Variants in CCSER1 observed in about 807,000 individuals in gnomAD.
CCSER1 encodes coiled-coil serine rich protein 1, also known as serine-rich coiled-coil domain-containing protein 1.
Under a neutral mutation model 82.0 loss-of-function variants are expected in CCSER1, and 41 were observed. The observed-to-expected ratio is 0.50, with a 90% confidence interval of 0.39 to 0.65. The LOEUF is 0.65. CCSER1 is among the 30% of genes least tolerant of loss of function. The pLI, the probability that CCSER1 is intolerant of heterozygous loss-of-function variation, is 0.00. For synonymous variants in CCSER1, 414 were observed against 383.9 expected (o/e 1.08, Z -0.92); for missense variants, 1,119 against 1,064.2 (o/e 1.05, Z -0.72).
chr4:91,270,533 A>T (rs779247619), intron 10 of CCSER1, among the ~76,000 whole-genome samples: 13 of 151,862 alleles, frequency 8.6e-5, no homozygotes, highest in East Asian at 1.9e-4. Flanking sequence ...TCATGTGCTT[A>T]TTACAGGTCT....
chr4:91,296,008 C>A (rs1039357079), intron 10 of CCSER1, among the ~76,000 whole-genome samples: 1 of 151,732 alleles, frequency 6.6e-6, no homozygotes, highest in Admixed American at 6.6e-5. Context: ...AAAGTATTTC[C>A]ATGATAATGT....
intron 10 of CCSER1, among the ~76,000 whole-genome samples, chr4:91,100,189 A>AT (rs776501810): frequency 4.7e-4 from 62 of 131,166 alleles, no homozygotes; most frequent in Non-Finnish European, 4.7e-4. Context: ...TTTGGGCAAG[A>AT]TAAAAAAAAA....
intron 10 of CCSER1, among the ~76,000 whole-genome samples, chr4:91,321,560 TTTAAC>T (rs1746195881): frequency 1.3e-5 from 2 of 152,106 alleles, no homozygotes; most frequent in Non-Finnish European, 1.5e-5. Context: ...AGTCAGTCCA[TTTAAC>T]TTATTTTTTT....
At position 90,630,979 on chromosome 4, in the gene CCSER1, C is replaced by T. The variant is rs186248301; in HGVS notation, c.1932+2747C>T. Among the ~76,000 whole-genome samples the T allele has an allele frequency of 7.9e-4, 120 of 151,496 alleles. No individual in the cohort carries two copies. In the East Asian group the frequency reaches 0.016, roughly 20 times the overall value. On this transcript the variant is annotated intron_variant, in intron 6 of 10. Transcript: ENST00000509176. ...CGCGATCTCAGCTCACTGCAAGCTC[C>T]GCCTCCCGGGTTCACGCCATTCTCC...
In CCSER1 at chr4:91,387,622, G is replaced by T. The variant is rs569580139; in HGVS notation, c.2218-210950G>T. 9.9e-5 allele frequency among the ~76,000 whole-genome samples: 15 copies of T among 152,072 alleles called. No individual in the cohort carries two copies. The South Asian group carries it at 3.1e-3, about 32-fold the overall frequency. On this transcript the variant is annotated intron_variant, in intron 10 of 10. Transcript: ENST00000509176. ...TTGAGGCTTTGGTCTCCATTTTCTT[G>T]TCTACAAGATGGGGCTACTAGGGCC...
chr4:91,113,107 C>G (rs906147520), intron 10 of CCSER1, among the ~76,000 whole-genome samples: 22 of 152,342 alleles, frequency 1.4e-4, no homozygotes, highest in African/African-American at 5.1e-4. Flanking sequence ...AATTGCCTTA[C>G]ATGTGTCTGT....
chr4:91,412,540 A>G (rs1023383367), intron 10 of CCSER1, among the ~76,000 whole-genome samples: 2 of 152,050 alleles, frequency 1.3e-5, no homozygotes, highest in African/African-American at 4.8e-5. Context: ...TGAGGTCCTT[A>G]TGGAAGTCCA....
At chr4:90,381,549 C>T (rs1244491024) in intron 3 of CCSER1, among the ~76,000 whole-genome samples, 1 of 152,006 alleles carries the variant, frequency 6.6e-6, no homozygotes, top group East Asian at 1.9e-4. Flanking sequence ...TTAATATTTT[C>T]ATTCCATAGA....
intron 3 of CCSER1, among the ~76,000 whole-genome samples, chr4:90,323,225 A>T (rs777907427): frequency 6.6e-6 from 1 of 152,120 alleles, no homozygotes; most frequent in Non-Finnish European, 1.5e-5. Flanking sequence ...GAGAGGGGTG[A>T]TGCAAGGACT....
intron 10 of CCSER1, among the ~76,000 whole-genome samples, chr4:91,300,021 G>A (rs894299763): frequency 6.6e-6 from 1 of 151,856 alleles, no homozygotes; most frequent in Non-Finnish European, 1.5e-5. Flanking sequence ...CCTTAGTGTG[G>A]CTTCCACCTC....
intron 5 of CCSER1, among the ~76,000 whole-genome samples, chr4:90,511,772 A>G (rs772033323): frequency 1.3e-5 from 2 of 152,200 alleles, no homozygotes; most frequent in African/African-American, 2.4e-5. Context: ...AGGCAGAAAG[A>G]AAATAATTGA....
chr4:90,178,362 C>G (rs931131533), intron 1 of CCSER1, among the ~76,000 whole-genome samples: 6 of 151,846 alleles, frequency 4.0e-5, no homozygotes, highest in Non-Finnish European at 8.8e-5. Flanking sequence ...CAATTTGTCT[C>G]TGATATAATT....
Position 91,052,736 on chromosome 4 carries a change from A to G in CCSER1, c.2173-33214A>G, listed in dbSNP as rs568003890. 2.0e-5 allele frequency among the ~76,000 whole-genome samples: 3 copies of G among 152,294 alleles called. No homozygotes were observed. The South Asian group carries it at 6.2e-4, about 32-fold the overall frequency. On this transcript the variant is annotated intron_variant, in intron 9 of 10. Transcript: ENST00000509176. ...ATATCATACTGTGAAAATAGCTATTAACATTTCTTCCTTTCCATATGAACA... is the reference window on the plus strand; with the variant it reads ...ATATCATACTGTGAAAATAGCTATTGACATTTCTTCCTTTCCATATGAACA...
Position 90,792,636 on chromosome 4 carries a change from A to G in CCSER1, c.2011-23126A>G, listed in dbSNP as rs561143053. ...AGAATACATGGACACTCAGACAGAT[A>G]AAAGGCAGAACTCTTTGTTACTTAC... is the stretch of plus-strand genomic sequence containing the variant. On this transcript the variant is annotated intron_variant, in intron 7 of 10. Transcript: ENST00000509176. 2.0e-5 allele frequency among the ~76,000 whole-genome samples: 3 copies of G among 152,336 alleles called. No homozygotes were observed. The South Asian group carries it at 6.2e-4, about 32-fold the overall frequency.
intron 6 of CCSER1, among the ~76,000 whole-genome samples, chr4:90,691,187 C>G (rs1735754341): frequency 6.6e-6 from 1 of 151,918 alleles, no homozygotes; most frequent in Non-Finnish European, 1.5e-5. Flanking sequence ...AGAAACACAA[C>G]TCTTTTAATT....
chr4:90,724,817 G>C (rs1206923701), intron 7 of CCSER1, among the ~76,000 whole-genome samples: 1 of 151,630 alleles, frequency 6.6e-6, no homozygotes, highest in Non-Finnish European at 1.5e-5. Flanking sequence ...ATTATTATGA[G>C]AGTTTTTTAT....
chr4:90,802,732 A>C (rs895613085), intron 7 of CCSER1, among the ~76,000 whole-genome samples: 1 of 152,298 alleles, frequency 6.6e-6, no homozygotes, highest in Non-Finnish European at 1.5e-5. Flanking sequence ...TTATTTCACT[A>C]GCTACCCAGG....
At chr4:91,512,094 TCTC>T (rs910902683) in intron 10 of CCSER1, among the ~76,000 whole-genome samples, 1 of 152,148 alleles carries the variant, frequency 6.6e-6, no homozygotes, top group African/African-American at 2.4e-5. Context: ...GTTTTGTAGT[TCTC>T]CTTGTAGAGA....
In CCSER1 at chr4:91,165,162, T is replaced by A. The variant is rs183509455; in HGVS notation, c.2217+79168T>A. On this transcript the variant is annotated intron_variant, in intron 10 of 10. Transcript: ENST00000509176. ...GATCTTGATGCTATTCCTTTCTGTT[T>A]GTTAGTTTTCCTTCTAAGAGTCAGG... Among the ~76,000 whole-genome samples, 10 of 152,326 alleles carry A rather than the reference T, an allele frequency of 6.6e-5. No individual in the cohort carries two copies. The East Asian group carries it at 1.3e-3, about 21-fold the overall frequency.
Sources: gnomAD v4.1 joint callset for allele counts (sites outside exome capture counted in the v4.1 genomes callset) on GRCh38, gnomAD v4.1.1 for gene constraint, MANE v1.5 for transcripts, NCBI Gene and HGNC (gene_info 2026-07-23, HGNC 2026-07-21) for gene names.